CFAP47: variants seen among roughly 807,000 people sequenced by gnomAD.
The protein encoded by CFAP47 is cilia and flagella associated protein 47.
A neutral mutation model predicts 148.1 loss-of-function variants in CFAP47; 29 were observed. The observed-to-expected ratio is 0.20, with a 90% confidence interval of 0.15 to 0.27. The LOEUF is 0.27. Ranked by LOEUF, CFAP47 falls within the 10% of genes least tolerant of loss-of-function variation. The pLI, the probability that CFAP47 is intolerant of heterozygous loss-of-function variation, is 1.00. For missense variants in CFAP47, 1,872 were observed against 1,697.5 expected (o/e 1.10, Z -1.81); for synonymous variants, 664 against 577.3 (o/e 1.15, Z -2.15).
At chrX:36,218,829 T>G in intron 45 of CFAP47, among the ~76,000 whole-genome samples, 1 of 111,888 alleles carries the variant, frequency 8.9e-6, no homozygotes, top group South Asian at 3.7e-4. Flanking sequence ...AACATCTCAA[T>G]GTGAGGACAG....
At chrX:35,960,640 A>T (rs1342163956) in intron 8 of CFAP47, among the ~76,000 whole-genome samples, 1 of 111,312 alleles carries the variant, frequency 9.0e-6, no homozygotes, top group Non-Finnish European at 1.9e-5. Flanking sequence ...ATGTAAATGA[A>T]ATAGAATTCT....
chrX:36,095,477 T>A (rs2146787566), intron 30 of CFAP47, among the ~76,000 whole-genome samples: 1 of 111,937 alleles, frequency 8.9e-6, no homozygotes, highest in Admixed American at 9.5e-5. Context: ...CTTCTTTAAA[T>A]ATTTAAATAT....
At chrX:36,101,727 C>A (rs1938379779) in intron 32 of CFAP47, among the ~76,000 whole-genome samples, 1 of 111,607 alleles carries the variant, frequency 9.0e-6, no homozygotes, top group Admixed American at 9.5e-5. Context: ...ACAATTGATT[C>A]TTTTCTTTGG....
intron 54 of CFAP47, among the ~76,000 whole-genome samples, chrX:36,306,406 C>CAAA (rs1941349121): frequency 9.0e-6 from 1 of 111,576 alleles, no homozygotes; most frequent in Non-Finnish European, 1.9e-5. Context: ...AATTAAGTTA[C>CAAA]AGGTGGTTTG....
At chrX:36,123,232 G>T (rs1158452498) in intron 33 of CFAP47, among the ~76,000 whole-genome samples, 2 of 112,374 alleles carry the variant, frequency 1.8e-5, no homozygotes, top group African/African-American at 6.5e-5. Context: ...CCAGTCTTAG[G>T]ACTGTGGTGA....
intron 45 of CFAP47, among the ~76,000 whole-genome samples, chrX:36,224,033 G>C (rs1940242660): frequency 9.0e-6 from 1 of 110,751 alleles, no homozygotes; most frequent in African/African-American, 3.3e-5. Flanking sequence ...GTTAAAAATT[G>C]TTTTAAAAAT....
chrX:36,088,433 G>A (rs181253225), intron 30 of CFAP47, among the ~76,000 whole-genome samples: 43 of 111,097 alleles, frequency 3.9e-4, no homozygotes, highest in African/African-American at 1.4e-3. Context: ...TGTTATTAAG[G>A]TTAAATGTAG....
chrX:36,074,858 A>G (rs2146763813), intron 29 of CFAP47, among the ~76,000 whole-genome samples: 1 of 111,789 alleles, frequency 8.9e-6, no homozygotes, highest in South Asian at 3.7e-4. Context: ...TTTTTTAGAT[A>G]AAATGTATGA....
chrX:36,093,425 GC>G (rs1938219743), intron 30 of CFAP47, among the ~76,000 whole-genome samples: 1 of 110,935 alleles, frequency 9.0e-6, no homozygotes, highest in African/African-American at 3.3e-5. Flanking sequence ...ATTTGTTACT[GC>G]CTGTCTTTTG....
rs187471245 is a variant in CFAP47 at position 36,044,217 on chromosome X, T to A, written c.4008-2637T>A. Among the ~76,000 whole-genome samples, 8 of 113,197 alleles carry A rather than the reference T, an allele frequency of 7.1e-5. 2 individuals are homozygous for A. In the East Asian group the frequency reaches 2.2e-3, roughly 32 times the overall value. On this transcript the variant is annotated intron_variant, in intron 25 of 63. Transcript: ENST00000378653. ...CTGGCCCTGTGATGGGAGGGGCTGT[T>A]ATGAAGATCTATGACATGCCCTGCA...
chrX:36,065,779 A>C, intron 27 of CFAP47, 36 bp downstream of exon 27: 3 of 801,946 alleles, frequency 3.7e-6, no homozygotes, highest in Non-Finnish European at 5.5e-6. Flanking sequence ...CCTAACTCTC[A>C]CTGTATAGGT....
At chrX:36,336,266 C>G (rs187009339) in intron 57 of CFAP47, among the ~76,000 whole-genome samples, 1 of 105,265 alleles carries the variant, frequency 9.5e-6, no homozygotes, top group African/African-American at 3.5e-5. Context: ...CACACACACA[C>G]ACACACACAC....
chrX:35,989,740 G>C, intron 16 of CFAP47: 1 of 481,490 alleles, frequency 2.1e-6, no homozygotes, highest in Non-Finnish European at 3.2e-6. Context: ...ACCTTTTTCT[G>C]GTACAGTCCA....
chrX:36,212,381 C>A (rs896626228), intron 45 of CFAP47, among the ~76,000 whole-genome samples: 23 of 111,190 alleles, frequency 2.1e-4, no homozygotes, highest in African/African-American at 7.2e-4. Flanking sequence ...TTGCTTATTC[C>A]AGACCCTTCC....
intron 57 of CFAP47, among the ~76,000 whole-genome samples, chrX:36,340,826 A>T (rs1238241372): frequency 9.0e-6 from 1 of 110,995 alleles, no homozygotes; most frequent in East Asian, 2.8e-4. Context: ...ATTTTTATTT[A>T]AAAAAATTAA....
At chrX:36,127,367 T>A (rs1440292376) in intron 33 of CFAP47, among the ~76,000 whole-genome samples, 5 of 111,885 alleles carry the variant, frequency 4.5e-5, no homozygotes, top group Admixed American at 3.8e-4. Flanking sequence ...TCCCCATTGC[T>A]TGTTTGTGTC....
chrX:35,967,710 A>G lies in CFAP47; in HGVS notation c.1692A>G (p.Gln564=), dbSNP rs201900093. ...ATTATGCACCTGTAGCAATGCTTCA[A>G]TCAGCCATGACACGCACTCACAATC... ...RKNYAPVAML[Q]SAMTRTHNHR... is the part of the protein sequence containing the mutation. The change falls in exon 10 of 64, where the codon CAA becomes CAG. Residue 564 remains glutamine, a synonymous_variant. Coordinates refer to ENST00000378653, the MANE Select transcript of CFAP47 (RefSeq NM_001304548.2). 1.3e-3 allele frequency: 1,602 copies of G among 1,207,451 alleles called. 13 individuals carry two copies. The South Asian group carries it at 0.026, about 20-fold the overall frequency.
At chrX:36,221,463 G>T (rs1296145851) in intron 45 of CFAP47, among the ~76,000 whole-genome samples, 2 of 111,187 alleles carry the variant, frequency 1.8e-5, no homozygotes, top group Non-Finnish European at 3.8e-5. Flanking sequence ...TAGAATTCAA[G>T]AATAGAAAAG....
chrX:36,360,234 C>T (rs949645512), intron 60 of CFAP47, among the ~76,000 whole-genome samples: 4 of 111,790 alleles, frequency 3.6e-5, no homozygotes, highest in Non-Finnish European at 5.6e-5. Context: ...CTGTTTTTGA[C>T]TGCTCCATAG....
Sources: gnomAD v4.1 joint callset for allele counts (sites outside exome capture counted in the v4.1 genomes callset) on GRCh38, gnomAD v4.1.1 for gene constraint, MANE v1.5 for transcripts, NCBI Gene and HGNC (gene_info 2026-07-23, HGNC 2026-07-21) for gene names.